Variants in MCTP1 observed in about 807,000 individuals in gnomAD.
The protein encoded by MCTP1 is multiple C2 and transmembrane domain containing 1, also known as multiple C2 and transmembrane domain-containing protein 1.
A neutral mutation model predicts 120.6 loss-of-function variants in MCTP1; 69 were observed. The observed-to-expected ratio is 0.57, with a 90% CI of 0.47 to 0.70. The LOEUF (loss-of-function observed/expected upper bound fraction) is 0.70, where lower values mean the gene tolerates loss of function less well. Ranked by LOEUF, MCTP1 falls within the 30% of genes least tolerant of loss-of-function variation. The pLI is 0.00. For missense variants in MCTP1, 1,203 were observed against 1,248.8 expected, an observed-to-expected ratio of 0.96 and a Z score of 0.55; for synonymous variants, 529 against 493.1, an observed-to-expected ratio of 1.07 and a Z score of -0.96.
intron 1 of MCTP1, among the ~76,000 whole-genome samples, chr5:95,061,407 G>GATT (rs1562094856): frequency 1.9e-4 from 13 of 67,858 alleles, no homozygotes; most frequent in Admixed American, 4.6e-4. Flanking sequence ...ACCCCTTAAG[G>GATT]GTTTTTTTTT....
At chr5:95,173,765 A>C (rs1203261048) in intron 1 of MCTP1, among the ~76,000 whole-genome samples, 1 of 152,062 alleles carries the variant, frequency 6.6e-6, no homozygotes, top group Non-Finnish European at 1.5e-5. Flanking sequence ...CATAAAAGAG[A>C]CCCAAATAAA....
chr5:94,945,921 T>C (rs1306519462), intron 3 of MCTP1, among the ~76,000 whole-genome samples: 1 of 152,148 alleles, frequency 6.6e-6, no homozygotes. Flanking sequence ...CTGAAAGTAG[T>C]AAGCAAGAGA....
intron 19 of MCTP1, among the ~76,000 whole-genome samples, chr5:94,748,806 A>G (rs1767535021): frequency 6.6e-6 from 1 of 152,218 alleles, no homozygotes; most frequent in Non-Finnish European, 1.5e-5. Context: ...TGAGTCTTCA[A>G]ACTAAGTAGA....
intron 19 of MCTP1, among the ~76,000 whole-genome samples, chr5:94,777,927 C>CGTGTGTGTGCGT (rs1554095233): frequency 1.3e-5 from 2 of 148,850 alleles, no homozygotes; most frequent in African/African-American, 5.0e-5. Flanking sequence ...AGAAAGTGTG[C>CGTGTGTGTGCGT]GTGTGTGTGT....
chr5:94,816,985 G>T (rs934396239), intron 17 of MCTP1, among the ~76,000 whole-genome samples: 1 of 152,022 alleles, frequency 6.6e-6, no homozygotes, highest in Non-Finnish European at 1.5e-5. Context: ...GAGATAAAAG[G>T]TGTCAAAGAT....
At chr5:95,062,058 C>A (rs1749375346) in intron 1 of MCTP1, among the ~76,000 whole-genome samples, 1 of 152,164 alleles carries the variant, frequency 6.6e-6, no homozygotes, top group Admixed American at 6.5e-5. Flanking sequence ...TAGTTAGCAA[C>A]TTCAAACTTA....
intron 1 of MCTP1, among the ~76,000 whole-genome samples, chr5:95,265,257 T>G (rs1339793909): frequency 6.6e-6 from 1 of 152,124 alleles, no homozygotes; most frequent in Admixed American, 6.6e-5. Context: ...CCAAGAGGTG[T>G]TCACATTCCA....
chr5:94,804,638 C>T (rs2153041419), intron 17 of MCTP1, among the ~76,000 whole-genome samples: 1 of 152,240 alleles, frequency 6.6e-6, no homozygotes, highest in East Asian at 1.9e-4. Context: ...TGGGGTTTCA[C>T]TGTGTTAGTC....
chr5:95,261,658 T>C (rs1758480070), intron 1 of MCTP1, among the ~76,000 whole-genome samples: 1 of 152,228 alleles, frequency 6.6e-6, no homozygotes. Flanking sequence ...CCCTTCAAAA[T>C]TTGTTGCCAC....
chr5:95,164,856 T>C (rs753133935), intron 1 of MCTP1, among the ~76,000 whole-genome samples: 1 of 152,178 alleles, frequency 6.6e-6, no homozygotes, highest in Non-Finnish European at 1.5e-5. Flanking sequence ...TGGTCTAATG[T>C]GAGTCTTCCT....
At chr5:95,043,160 TATA>T (rs1403184574) in intron 1 of MCTP1, among the ~76,000 whole-genome samples, 1 of 152,220 alleles carries the variant, frequency 6.6e-6, no homozygotes, top group African/African-American at 2.4e-5. Flanking sequence ...ATCAGATATT[TATA>T]ATAAGTCAGT....
intron 18 of MCTP1, among the ~76,000 whole-genome samples, chr5:94,795,330 T>A (rs768082154): frequency 8.5e-5 from 13 of 152,170 alleles, no homozygotes; most frequent in Non-Finnish European, 1.9e-4. Context: ...ACAATCAGTT[T>A]CTCTCTCTTG....
chr5:94,891,948 C>A (rs1215002312), intron 11 of MCTP1, among the ~76,000 whole-genome samples: 1 of 152,024 alleles, frequency 6.6e-6, no homozygotes, highest in African/African-American at 2.4e-5. Flanking sequence ...ATCCTTTCAG[C>A]CCTCAATAGA....
chr5:94,993,957 T>C (rs913434038), intron 2 of MCTP1, among the ~76,000 whole-genome samples: 1 of 152,180 alleles, frequency 6.6e-6, no homozygotes, highest in Non-Finnish European at 1.5e-5. Context: ...GGAAGACCCA[T>C]TGAAATTCTC....
intron 19 of MCTP1, among the ~76,000 whole-genome samples, chr5:94,767,728 G>T (rs1265674052): frequency 1.3e-5 from 2 of 151,922 alleles, no homozygotes; most frequent in African/African-American, 4.8e-5. Flanking sequence ...CCTCTACAAG[G>T]AAAACTAAAA....
intron 2 of MCTP1, among the ~76,000 whole-genome samples, chr5:95,004,930 T>C (rs182841978): frequency 6.6e-6 from 1 of 152,076 alleles, no homozygotes; most frequent in Non-Finnish European, 1.5e-5. Flanking sequence ...TCCAGAAAGG[T>C]AGACCTATCA....
At chr5:94,951,115 C>T in intron 3 of MCTP1, among the ~76,000 whole-genome samples, 1 of 152,020 alleles carries the variant, frequency 6.6e-6, no homozygotes, top group South Asian at 2.1e-4. Flanking sequence ...CCCCTTGCTA[C>T]CCCCTCATCC....
intron 1 of MCTP1, among the ~76,000 whole-genome samples, chr5:95,257,804 C>T (rs365868): frequency 1.5e-3 from 10 of 6,892 alleles, no homozygotes; most frequent in Non-Finnish European, 2.0e-3. Context: ...CATACACACA[C>T]ACACACACAC....
rs529478341 is a variant in MCTP1, at chr5:94,760,907, A to T, written c.2610+18203T>A. Reference sequence around the variant, plus strand: ...ACTATGTCACCCAAGCTGGTCTCCAACTCCTGGGCTCAAGCAATTATCTCG... The same window carrying T: ...ACTATGTCACCCAAGCTGGTCTCCATCTCCTGGGCTCAAGCAATTATCTCG... On this transcript the variant is annotated intron_variant, in intron 19 of 22. Transcript: ENST00000515393. Among the ~76,000 whole-genome samples the T allele has an allele frequency of 5.5e-4, 83 of 151,824 alleles. 2 individuals are homozygous for T. The South Asian group carries it at 0.012, about 21-fold the overall frequency.
Sources: allele counts gnomAD v4.1 joint callset (sites outside exome capture counted in the v4.1 genomes callset), GRCh38; gene constraint gnomAD v4.1.1; transcripts MANE v1.5; gene names NCBI Gene and HGNC (gene_info 2026-07-23, HGNC 2026-07-21).